PCLO: variants seen among roughly 807,000 people sequenced by gnomAD.
PCLO encodes protein piccolo.
Under a neutral mutation model 427.5 loss-of-function variants are expected in PCLO, and 82 were observed. The ratio of observed to expected loss-of-function variants is 0.19; its 90% CI spans 0.16 to 0.23. PCLO has a LOEUF of 0.23. Ranked by LOEUF, PCLO falls within the 10% of genes least tolerant of loss-of-function variation. The pLI, the probability that PCLO is intolerant of heterozygous loss-of-function variation, is 1.00. For synonymous variants in PCLO, 2,357 were observed against 2,155.4 expected (o/e 1.09, Z -2.59); for missense variants, 6,239 against 6,115.9 (o/e 1.02, Z -0.67).
intron 3 of PCLO, among the ~76,000 whole-genome samples, chr7:82,975,751 T>C (rs1796002928): frequency 6.6e-6 from 1 of 152,014 alleles, no homozygotes; most frequent in Non-Finnish European, 1.5e-5. Context: ...AGGGACTTGG[T>C]GGGAAGTGAT....
At chr7:82,809,257 A>G (rs1250416234) in intron 20 of PCLO, among the ~76,000 whole-genome samples, 1 of 151,692 alleles carries the variant, frequency 6.6e-6, no homozygotes, top group East Asian at 1.9e-4. Context: ...GTCTTTCCAA[A>G]TATATCTCTT....
intron 1 of PCLO, among the ~76,000 whole-genome samples, chr7:83,159,554 C>T (rs1792382447): frequency 6.6e-6 from 1 of 151,974 alleles, no homozygotes; most frequent in South Asian, 2.1e-4. Context: ...TAGTACTACA[C>T]CTCCCTTTTC....
intron 3 of PCLO, among the ~76,000 whole-genome samples, chr7:83,056,373 T>TA (rs1298866958): frequency 6.6e-6 from 1 of 152,164 alleles, no homozygotes; most frequent in Non-Finnish European, 1.5e-5. Flanking sequence ...TCTAAAATGT[T>TA]AGAGTTTAAA....
At chr7:82,835,010 T>G (rs753974001) in intron 16 of PCLO, among the ~76,000 whole-genome samples, 2 of 152,040 alleles carry the variant, frequency 1.3e-5, no homozygotes, top group African/African-American at 4.8e-5. Flanking sequence ...AGGGGTGCGA[T>G]CTTGGCTCAC....
At chr7:82,935,544 A>G (rs1418749943) in intron 6 of PCLO, among the ~76,000 whole-genome samples, 4 of 151,578 alleles carry the variant, frequency 2.6e-5, no homozygotes, top group African/African-American at 9.7e-5. Flanking sequence ...TACAGTTCAC[A>G]CTTTTGTTTA....
At chr7:83,102,062 C>T (rs1330716838) in intron 3 of PCLO, among the ~76,000 whole-genome samples, 1 of 151,818 alleles carries the variant, frequency 6.6e-6, no homozygotes, top group Non-Finnish European at 1.5e-5. Flanking sequence ...TTGTTATATG[C>T]CTTGTAAGGT....
At chr7:83,004,402 G>T (rs1386259479) in intron 3 of PCLO, among the ~76,000 whole-genome samples, 1 of 151,658 alleles carries the variant, frequency 6.6e-6, no homozygotes, top group African/African-American at 2.4e-5. Flanking sequence ...ATATACAACA[G>T]AAAAGAATAA....
chr7:82,957,563 A>G (rs1795555327), intron 4 of PCLO, among the ~76,000 whole-genome samples: 1 of 152,234 alleles, frequency 6.6e-6, no homozygotes, highest in Non-Finnish European at 1.5e-5. Context: ...ACTTGGTATT[A>G]TTGTTAATAT....
intron 3 of PCLO, among the ~76,000 whole-genome samples, chr7:83,083,867 A>T (rs2116408363): frequency 6.6e-6 from 1 of 152,278 alleles, no homozygotes; most frequent in Non-Finnish European, 1.5e-5. Flanking sequence ...TAAAGGAGCT[A>T]ATACATTTAA....
At chr7:83,091,405 G>A (rs946236281) in intron 3 of PCLO, among the ~76,000 whole-genome samples, 4 of 152,104 alleles carry the variant, frequency 2.6e-5, no homozygotes, top group Admixed American at 1.3e-4. Context: ...TGACACTTCT[G>A]TAAGGGCTTA....
At chr7:83,053,317 C>T (rs1214504500) in intron 3 of PCLO, among the ~76,000 whole-genome samples, 5 of 151,938 alleles carry the variant, frequency 3.3e-5, no homozygotes, top group African/African-American at 1.2e-4. Context: ...CTCCAGCTAA[C>T]CATTACACAC....
intron 9 of PCLO, among the ~76,000 whole-genome samples, chr7:82,901,324 G>C (rs1794033680): frequency 6.6e-6 from 1 of 151,844 alleles, no homozygotes; most frequent in Admixed American, 6.6e-5. Context: ...AAATCCAAAT[G>C]TCAGTACATA....
intron 3 of PCLO, among the ~76,000 whole-genome samples, chr7:83,062,479 C>T (rs1390657168): frequency 6.6e-6 from 1 of 152,034 alleles, no homozygotes; most frequent in African/African-American, 2.4e-5. Context: ...CATTTTCTTT[C>T]ATAGTGATAT....
At chr7:83,014,185 GATAGTTAAC>G (rs1451407559) in intron 3 of PCLO, among the ~76,000 whole-genome samples, 1 of 152,106 alleles carries the variant, frequency 6.6e-6, no homozygotes, top group Admixed American at 6.6e-5. Flanking sequence ...ACACACTTGA[GATAGTTAAC>G]AAAACAAGTC....
At chr7:82,974,420 C>T (rs567703990) in intron 3 of PCLO, among the ~76,000 whole-genome samples, 27 of 152,236 alleles carry the variant, frequency 1.8e-4, no homozygotes, top group Admixed American at 1.6e-3. Flanking sequence ...GATCATCTAC[C>T]AGTGTGTGTA....
rs181865043 is a variant in PCLO, at chr7:82,777,809, A to G, written c.15008-16316T>C. On this transcript the variant is annotated intron_variant, in intron 22 of 24. Transcript: ENST00000333891. The stretch of plus-strand genomic sequence containing the variant: ...AAACCAAAAAGTATAAAAACCCTGG[A>G]AGATTTACCTAGGTAGGTAATATCT... Among the ~76,000 whole-genome samples the G allele has an allele frequency of 1.2e-3, 177 of 152,326 alleles. 1 individual carries two copies. The highest frequency in any genetic ancestry group is 4.1e-3 in the African/African-American group (171 of 41,564).
chr7:82,760,081 T>G (rs1339886225), intron 24 of PCLO, among the ~76,000 whole-genome samples: 1 of 151,896 alleles, frequency 6.6e-6, no homozygotes, highest in Non-Finnish European at 1.5e-5. Flanking sequence ...AGCAAAGGAT[T>G]GGAGGCTTAA....
chr7:83,090,782 T>TTTTTTG (rs1440189880), intron 3 of PCLO, among the ~76,000 whole-genome samples: 1 of 152,162 alleles, frequency 6.6e-6, no homozygotes, highest in Non-Finnish European at 1.5e-5. Context: ...ACTAAAACAG[T>TTTTTTG]ATATTTTCAG....
intron 2 of PCLO, among the ~76,000 whole-genome samples, chr7:83,148,517 T>C (rs916919928): frequency 4.9e-4 from 74 of 152,322 alleles, no homozygotes; most frequent in African/African-American, 1.7e-3. Flanking sequence ...GTAAATACTT[T>C]TTTTTCTTTT....
Sources: allele counts gnomAD v4.1 joint callset (sites outside exome capture counted in the v4.1 genomes callset), GRCh38; gene constraint gnomAD v4.1.1; transcripts MANE v1.5; gene names NCBI Gene and HGNC (gene_info 2026-07-23, HGNC 2026-07-21).